The following ADAMTS19 variants were observed in gnomAD, a reference collection of about 807,000 sequenced individuals.
ADAMTS19 encodes the protein A disintegrin and metalloproteinase with thrombospondin motifs 19.
Under a neutral mutation model 153.3 loss-of-function variants are expected in ADAMTS19, and 93 were observed. That is an observed-to-expected ratio of 0.61 (90% CI 0.51 to 0.72). The LOEUF (loss-of-function observed/expected upper bound fraction) is 0.72. Among genes scored for constraint, ADAMTS19 ranks in the 30% least tolerant of loss-of-function variants. ADAMTS19 has a pLI of 0.00. For synonymous variants in ADAMTS19, 600 were observed against 556.6 expected (o/e 1.08, Z -1.10); for missense variants, 1,482 against 1,552.1 (o/e 0.95, Z 0.76).
intron 2 of ADAMTS19, among the ~76,000 whole-genome samples, chr5:129,492,407 A>G (rs1750796671): frequency 6.6e-6 from 1 of 152,102 alleles, no homozygotes; most frequent in Non-Finnish European, 1.5e-5. Context: ...GGGGTCTAAG[A>G]TTGAGACTGG....
intron 18 of ADAMTS19, among the ~76,000 whole-genome samples, chr5:129,684,515 C>T (rs184263251): frequency 1.3e-5 from 2 of 149,072 alleles, no homozygotes; most frequent in Non-Finnish European, 2.9e-5. Context: ...CATTACATTA[C>T]ATTACATTAC....
At chr5:129,524,908 G>A (rs1317202477) in intron 3 of ADAMTS19, among the ~76,000 whole-genome samples, 1 of 152,058 alleles carries the variant, frequency 6.6e-6, no homozygotes, top group Non-Finnish European at 1.5e-5. Context: ...GTCTTTAAAT[G>A]GAATCATACT....
At chr5:129,728,689 G>A (rs570120639) in intron 21 of ADAMTS19, among the ~76,000 whole-genome samples, 1 of 152,140 alleles carries the variant, frequency 6.6e-6, no homozygotes, top group African/African-American at 2.4e-5. Context: ...AAATTGCCTA[G>A]CTTCCACAGT....
At chr5:129,619,219 G>A (rs7446943) in intron 8 of ADAMTS19, among the ~76,000 whole-genome samples, 3 of 152,000 alleles carry the variant, frequency 2.0e-5, no homozygotes, top group African/African-American at 7.2e-5. Context: ...GACGCCCAAT[G>A]TGGAATGGTT....
chr5:129,680,623 A>C (rs1434635325), intron 17 of ADAMTS19, among the ~76,000 whole-genome samples: 1 of 152,002 alleles, frequency 6.6e-6, no homozygotes, highest in Admixed American at 6.6e-5. Context: ...TTAGCTGGGC[A>C]TGGTGACGCA....
At chr5:129,617,854 A>T (rs1265443552) in intron 8 of ADAMTS19, among the ~76,000 whole-genome samples, 1 of 152,108 alleles carries the variant, frequency 6.6e-6, no homozygotes, top group Non-Finnish European at 1.5e-5. Flanking sequence ...AATACAGCAA[A>T]GTGAATTTAA....
At chr5:129,609,316 T>C (rs532865551) in intron 8 of ADAMTS19, among the ~76,000 whole-genome samples, 2 of 152,316 alleles carry the variant, frequency 1.3e-5, no homozygotes, top group East Asian at 3.9e-4. Flanking sequence ...ATTTGGATAG[T>C]TTTTAATTTC....
chr5:129,562,625 TA>T (rs1241448557), intron 7 of ADAMTS19, among the ~76,000 whole-genome samples: 1 of 152,210 alleles, frequency 6.6e-6, no homozygotes, highest in East Asian at 1.9e-4. Context: ...AGTCAGTGTT[TA>T]CGTGTGTGTG....
At chr5:129,564,947 T>C (rs1753654006) in intron 7 of ADAMTS19, among the ~76,000 whole-genome samples, 1 of 152,178 alleles carries the variant, frequency 6.6e-6, no homozygotes, top group South Asian at 2.1e-4. Context: ...TTGTAGTTCA[T>C]ACCAAGGAAC....
intron 21 of ADAMTS19, among the ~76,000 whole-genome samples, chr5:129,729,356 T>C (rs1225532796): frequency 1.3e-5 from 2 of 151,872 alleles, no homozygotes; most frequent in African/African-American, 4.8e-5. Flanking sequence ...TAACTTGGGA[T>C]TTCAATTGTT....
rs571377655 is a variant in ADAMTS19 at position 129,684,179 on chromosome 5, C to T, written c.2724C>T (p.Asp908=). 4 of 1,614,122 alleles carry T rather than the reference C, an allele frequency of 2.5e-6. No homozygotes were observed. Among genetic ancestry groups the T allele is most frequent in the Admixed American group, 1.7e-5 (1 of 60,018 alleles). The change falls in exon 18 of 23, where the codon GAC becomes GAT. Residue 908 remains aspartate, a synonymous_variant. Transcript: ENST00000274487. ...GLHYEYTIPS[D]PLPENQSSKA... is the part of the protein sequence containing the mutation. ...ACTATGAATACACTATCCCATCAGA[C>T]CCTCTTCCAGAAAACCAGAGCTCTA... is the stretch of plus-strand genomic sequence containing the variant.
intron 7 of ADAMTS19, among the ~76,000 whole-genome samples, chr5:129,567,585 C>A (rs182110500): frequency 1.3e-5 from 2 of 152,048 alleles, no homozygotes; most frequent in East Asian, 3.9e-4. Context: ...AGCTGAATAG[C>A]GGCATGGAGC....
At chr5:129,636,676 C>A (rs1752548821) in intron 10 of ADAMTS19, among the ~76,000 whole-genome samples, 1 of 152,280 alleles carries the variant, frequency 6.6e-6, no homozygotes, top group Middle Eastern at 3.4e-3. Context: ...GTGGTCAAAT[C>A]TCCTCTGTTA....
intron 22 of ADAMTS19, among the ~76,000 whole-genome samples, chr5:129,736,458 A>C (rs1414351944): frequency 2.0e-5 from 3 of 152,232 alleles, no homozygotes; most frequent in Non-Finnish European, 4.4e-5. Context: ...AGGGAGGCCA[A>C]GTCTACATGA....
intron 2 of ADAMTS19, among the ~76,000 whole-genome samples, chr5:129,492,783 C>T (rs537489723): frequency 3.9e-5 from 6 of 152,172 alleles, no homozygotes; most frequent in East Asian, 3.9e-4. Flanking sequence ...ACACACATTT[C>T]GCAGTATTGC....
At chr5:129,590,000 A>G (rs1196944370) in intron 7 of ADAMTS19, among the ~76,000 whole-genome samples, 1 of 152,056 alleles carries the variant, frequency 6.6e-6, no homozygotes, top group Non-Finnish European at 1.5e-5. Context: ...GATTTCTAGC[A>G]TTCTCAGATT....
At position 129,703,179 on chromosome 5, in the gene ADAMTS19, A is replaced by G. The variant is rs113245601; in HGVS notation, c.3160-1060A>G. Reference sequence around the variant, plus strand: ...CATATCCAGAACAATTTTGGTCCCAATGTCCAGGTAGTCAGTGGTGCTTGC... The same window carrying G: ...CATATCCAGAACAATTTTGGTCCCAGTGTCCAGGTAGTCAGTGGTGCTTGC... On this transcript the variant is annotated intron_variant, in intron 20 of 22. Coordinates refer to ENST00000274487, the MANE Select transcript of ADAMTS19 (RefSeq NM_133638.6). Among the ~76,000 whole-genome samples the G allele has an allele frequency of 2.1e-4, 31 of 150,924 alleles. No individual in the cohort carries two copies. The South Asian group carries it at 5.7e-3, about 28-fold the overall frequency.
At chr5:129,686,583 A>G (rs1325243841) in intron 18 of ADAMTS19, among the ~76,000 whole-genome samples, 1 of 152,044 alleles carries the variant, frequency 6.6e-6, no homozygotes, top group African/African-American at 2.4e-5. Flanking sequence ...TGATCAAAAC[A>G]ATGGTCACCC....
chr5:129,503,386 C>T (rs1472911652), intron 2 of ADAMTS19, among the ~76,000 whole-genome samples: 3 of 152,060 alleles, frequency 2.0e-5, no homozygotes, highest in Non-Finnish European at 2.9e-5. Flanking sequence ...CTCCCATTTA[C>T]AGTAATACTG....
Sources: gnomAD v4.1 joint callset for allele counts (sites outside exome capture counted in the v4.1 genomes callset) on GRCh38, gnomAD v4.1.1 for gene constraint, MANE v1.5 for transcripts, NCBI Gene and HGNC (gene_info 2026-07-23, HGNC 2026-07-21) for gene names.